The following PRR16 variants were observed in gnomAD, a reference collection of about 807,000 sequenced individuals.
PRR16 encodes the protein protein Largen.
Under a neutral mutation model 18.2 loss-of-function variants are expected in PRR16, and 6 were observed. The ratio of observed to expected loss-of-function variants is 0.33; its 90% CI spans 0.18 to 0.65. The LOEUF (loss-of-function observed/expected upper bound fraction) is 0.65. Ranked by LOEUF, PRR16 falls within the 30% of genes least tolerant of loss-of-function variation. The pLI, the probability that PRR16 is intolerant of heterozygous loss-of-function variation, is 0.74. For synonymous variants in PRR16, 151 were observed against 147.8 expected, an observed-to-expected ratio of 1.02 and a Z score of -0.16; for missense variants, 412 against 376.6, an observed-to-expected ratio of 1.09 and a Z score of -0.78.
At chr5:120,605,035 G>A (rs1395680358) in intron 1 of PRR16, among the ~76,000 whole-genome samples, 1 of 152,120 alleles carries the variant, frequency 6.6e-6, no homozygotes, top group Admixed American at 6.5e-5. Flanking sequence ...GTTGTCTTGT[G>A]TAGTATCTTA....
intron 1 of PRR16, among the ~76,000 whole-genome samples, chr5:120,533,156 A>G (rs1334956169): frequency 1.3e-5 from 2 of 152,160 alleles, no homozygotes; most frequent in Non-Finnish European, 2.9e-5. Context: ...AGTGATCTAG[A>G]GTTCTGCGGA....
At chr5:120,775,242 A>G in the PRR16 span, among the ~76,000 whole-genome samples, 16 of 152,174 alleles carry the variant, frequency 1.1e-4, no homozygotes, top group Non-Finnish European at 1.6e-4. Flanking sequence ...ATTTTGCATA[A>G]TAGCATATAC....
the PRR16 span, among the ~76,000 whole-genome samples, chr5:120,786,444 G>A: frequency 6.6e-6 from 1 of 150,850 alleles, no homozygotes; most frequent in South Asian, 2.1e-4. Context: ...ACATGATTTT[G>A]GTCTCTTAAC....
chr5:120,791,327 A>AAAAC, the PRR16 span, among the ~76,000 whole-genome samples: 1 of 152,086 alleles, frequency 6.6e-6, no homozygotes, highest in Admixed American at 6.6e-5. Flanking sequence ...TAAGCTCTGA[A>AAAAC]AAACATGGTA....
At chr5:120,497,888 G>A (rs1041747058) in intron 1 of PRR16, among the ~76,000 whole-genome samples, 1 of 151,336 alleles carries the variant, frequency 6.6e-6, no homozygotes. Flanking sequence ...ATTAATGTCT[G>A]CATGGCATAT....
chr5:120,663,166 G>A (rs1290523419), intron 1 of PRR16, among the ~76,000 whole-genome samples: 1 of 152,046 alleles, frequency 6.6e-6, no homozygotes, highest in East Asian at 1.9e-4. Flanking sequence ...GAGGCTTAAG[G>A]CCAGTTTTAG....
chr5:120,709,625 C>G, the PRR16 span, among the ~76,000 whole-genome samples: 1 of 152,130 alleles, frequency 6.6e-6, no homozygotes, highest in East Asian at 1.9e-4. Flanking sequence ...ACCAAACCCT[C>G]TTCCTCCCTA....
chr5:120,749,678 C>T, the PRR16 span, among the ~76,000 whole-genome samples: 3 of 151,982 alleles, frequency 2.0e-5, no homozygotes. Context: ...ATACCAAAAC[C>T]TAGTTATTTA....
At chr5:120,734,339 G>C in the PRR16 span, among the ~76,000 whole-genome samples, 12,619 of 151,368 alleles carry the variant, frequency 0.083, 671 homozygotes, top group South Asian at 0.12. Context: ...CTCTCTCTCT[G>C]TGTGTGTGTG....
At chr5:120,707,097 A>G in the PRR16 span, among the ~76,000 whole-genome samples, 77 of 152,312 alleles carry the variant, frequency 5.1e-4, no homozygotes, top group South Asian at 2.3e-3. Flanking sequence ...GAAATCTACA[A>G]TTGAAGGGTT....
chr5:120,564,250 C>T (rs944809687), intron 1 of PRR16, among the ~76,000 whole-genome samples: 1 of 152,098 alleles, frequency 6.6e-6, no homozygotes, highest in Non-Finnish European at 1.5e-5. Flanking sequence ...CAAAACTGCT[C>T]CTGGCTGGTG....
chr5:120,580,146 T>G (rs950870189), intron 1 of PRR16, among the ~76,000 whole-genome samples: 5 of 152,164 alleles, frequency 3.3e-5, no homozygotes, highest in African/African-American at 1.2e-4. Flanking sequence ...ATGATGGGGT[T>G]TTCTAAATAT....
At chr5:120,654,110 C>A (rs746196654) in intron 1 of PRR16, among the ~76,000 whole-genome samples, 2 of 152,038 alleles carry the variant, frequency 1.3e-5, no homozygotes, top group Non-Finnish European at 2.9e-5. Flanking sequence ...GTGATGTGAA[C>A]AACTTTCAGG....
the PRR16 span, among the ~76,000 whole-genome samples, chr5:120,785,298 A>G: frequency 6.6e-6 from 1 of 152,144 alleles, no homozygotes. Context: ...CCTGGCTGAC[A>G]CTTAGGTCCC....
chr5:120,764,669 A>G, the PRR16 span, among the ~76,000 whole-genome samples: 1 of 147,432 alleles, frequency 6.8e-6, no homozygotes, highest in Non-Finnish European at 1.5e-5. Context: ...AGTGTTGACA[A>G]CTGAAGAATG....
intron 1 of PRR16, among the ~76,000 whole-genome samples, chr5:120,523,950 T>G (rs1388292242): frequency 6.6e-6 from 1 of 152,212 alleles, no homozygotes; most frequent in East Asian, 1.9e-4. Context: ...TGTTCATATG[T>G]AGATCACAAG....
the PRR16 span, among the ~76,000 whole-genome samples, chr5:120,780,804 G>A: frequency 7.2e-5 from 11 of 152,238 alleles, no homozygotes; most frequent in South Asian, 2.1e-4. Context: ...TAATCCCGGC[G>A]CTCTGGGAGG....
chr5:120,667,674 C>T (rs957789035), intron 1 of PRR16, among the ~76,000 whole-genome samples: 59 of 151,842 alleles, frequency 3.9e-4, no homozygotes, highest in African/African-American at 1.3e-3. Context: ...TCGTTGGTTT[C>T]AAAGAACATC....
chr5:120,472,388 A>G (rs1026237516), intron 1 of PRR16, among the ~76,000 whole-genome samples: 10 of 152,130 alleles, frequency 6.6e-5, no homozygotes, highest in Admixed American at 5.9e-4. Context: ...AAACAATATC[A>G]GTCAAATCAA....
Sources: allele counts gnomAD v4.1 joint callset (sites outside exome capture counted in the v4.1 genomes callset), GRCh38; gene constraint gnomAD v4.1.1; transcripts MANE v1.5; gene names NCBI Gene and HGNC (gene_info 2026-07-23, HGNC 2026-07-21).